Variants in CLBA1 observed in about 807,000 individuals in gnomAD.
CLBA1 encodes clathrin binding box of aftiphilin containing 1, also known as uncharacterized protein CLBA1.
Under a neutral mutation model 28.8 loss-of-function variants are expected in CLBA1, and 30 were observed. The observed-to-expected ratio is 1.04, with a 90% confidence interval of 0.78 to 1.41. The LOEUF is 1.41. Ranked by LOEUF, CLBA1 falls within the 40% of genes most tolerant of loss-of-function variation. The probability of loss-of-function intolerance (pLI) is 0.00; values close to 1 mark genes in which losing one functional copy is unlikely to be tolerated. For synonymous variants in CLBA1, 160 were observed against 152.8 expected (o/e 1.05, Z -0.35); for missense variants, 451 against 412.3 (o/e 1.09, Z -0.81).
chr14:105,000,726 G>C (rs967378179), intron 2 of CLBA1, among the ~76,000 whole-genome samples: 1 of 152,056 alleles, frequency 6.6e-6, no homozygotes, highest in African/African-American at 2.4e-5. Flanking sequence ...ACACCTGTTA[G>C]GATGGCTATT....
downstream of CLBA1, among the ~76,000 whole-genome samples, chr14:104,998,045 C>A (rs747912828): frequency 1.8e-4 from 28 of 151,368 alleles, no homozygotes; most frequent in Non-Finnish European, 3.7e-4. Context: ...AAAAAATATT[C>A]TTTAAAAATG....
chr14:104,992,864 A>G, intron 3 of CLBA1, 84 bp from the exon 4 acceptor site: 1 of 1,137,184 alleles, frequency 8.8e-7, no homozygotes, highest in South Asian at 1.2e-5. Context: ...TTTAGCATGA[A>G]ATTAGTAGAG....
chr14:104,985,943 A>C lies in CLBA1; in HGVS notation c.-489A>C, dbSNP rs577852409. 1.2e-3 allele frequency: 234 copies of C among 195,404 alleles called. 7 individuals are homozygous for C. The South Asian group carries it at 0.013, about 11-fold the overall frequency. The allele number at this position is 195,404 out of a possible 1,614,324, so 12.1% of individuals were successfully genotyped here. On this transcript the variant is annotated 5_prime_UTR_variant, in exon 1 of 5. Coordinates refer to ENST00000547315, the MANE Select transcript of CLBA1 (RefSeq NM_174891.4). Reference sequence around the variant, plus strand: ...TAGCCGGCCACCTCGGGCCCTGTCCAGGCCCAGGCGTTCCAGGGCTGCTCT... The same window carrying C: ...TAGCCGGCCACCTCGGGCCCTGTCCCGGCCCAGGCGTTCCAGGGCTGCTCT...
At chr14:104,992,825 T>A in intron 3 of CLBA1, 123 bp from the exon 4 acceptor site, 1 of 850,680 alleles carries the variant, frequency 1.2e-6, no homozygotes, top group East Asian at 2.4e-5. Flanking sequence ...TGCGCTGACC[T>A]TGAGAGGGGC....
Position 104,995,200 on chromosome 14 carries a change from G to A in CLBA1, c.*441G>A, listed in dbSNP as rs1900135921. On this transcript the variant is annotated 3_prime_UTR_variant, in exon 5 of 5. Transcript: ENST00000547315. Reference sequence around the variant, plus strand: ...GAGAGACAGCTGTTGAGACCGCTCAGAAACCCTCTGTCTGTCACACTCTGC... The same window carrying A: ...GAGAGACAGCTGTTGAGACCGCTCAAAAACCCTCTGTCTGTCACACTCTGC... 2.0e-6 allele frequency: 2 copies of A among 987,350 alleles called. No individual in the cohort carries two copies. The highest frequency in any genetic ancestry group is 2.4e-6 in the Non-Finnish European group (2 of 831,494). The allele number at this position is 987,350 out of a possible 1,614,324, so 61.2% of individuals were successfully genotyped here.
intron 2 of CLBA1, chr14:104,989,820 C>G (rs1048993054): frequency 2.4e-6 from 1 of 410,048 alleles, no homozygotes. Flanking sequence ...CAGGGGAGAG[C>G]CAGGTCAGCC....
chr14:104,987,148 A>T (rs1226975116), intron 1 of CLBA1, among the ~76,000 whole-genome samples: 1 of 152,194 alleles, frequency 6.6e-6, no homozygotes, highest in Non-Finnish European at 1.5e-5. Context: ...TCCATTCCCC[A>T]TTGGTGGGGG....
chr14:104,988,999 G>C lies in CLBA1; in HGVS notation c.480G>C (p.Gln160His), dbSNP rs761439232. The change falls in exon 2 of 5, where the codon CAG (glutamine) becomes CAC (histidine). Residue 160 changes from glutamine to histidine, a missense_variant. By Grantham distance (24) the Gln-to-His change is conservative. Coordinates refer to ENST00000547315, the MANE Select transcript of CLBA1 (RefSeq NM_174891.4). ...LKCAFQEITV[Q>H]QAAEDVSTID... ...GTGCTTTTCAAGAAATAACAGTCCA[G>C]CAGGCAGCTGAAGACGTTTCCACCA... 3.1e-6 allele frequency: 5 copies of C among 1,612,932 alleles called. No individual in the cohort carries two copies. Among genetic ancestry groups the C allele is most frequent in the Non-Finnish European group, 4.2e-6 (5 of 1,179,148 alleles).
At position 104,995,048 on chromosome 14, in the gene CLBA1, C is replaced by G. The variant is rs1900132547; in HGVS notation, c.*289C>G. ...CCCTGCCCCATGTGAATGCTGCTGG[C>G]ACCTGGTGGGGGGTTGCCCAGGGAT... On this transcript the variant is annotated 3_prime_UTR_variant, in exon 5 of 5. Coordinates refer to ENST00000547315, the MANE Select transcript of CLBA1 (RefSeq NM_174891.4). The G allele has an allele frequency of 1.8e-5, 19 of 1,068,150 alleles. No individual in the cohort carries two copies. Among genetic ancestry groups the G allele is most frequent in the Non-Finnish European group, 2.2e-5 (19 of 883,126 alleles). 66.2% of individuals were successfully genotyped at this position (1,068,150 alleles called of 1,614,324 possible). A position where few individuals can be genotyped will look rare whatever the true frequency, so the allele number is the denominator to read the frequency against.
chr14:104,998,591 GACTT>G (rs58851503), downstream of CLBA1, among the ~76,000 whole-genome samples: 2,258 of 152,256 alleles, frequency 0.015, 59 homozygotes, highest in African/African-American at 0.051. Flanking sequence ...TTTCAATAAA[GACTT>G]ACTTAATAGG....
chr14:104,987,791 A>T (rs1018183515), intron 1 of CLBA1, among the ~76,000 whole-genome samples: 25 of 70,882 alleles, frequency 3.5e-4, no homozygotes, highest in African/African-American at 9.3e-4. Flanking sequence ...CTAACTTTTT[A>T]TATATATATA....
chr14:105,001,067 TA>T (rs71454491), intron 2 of CLBA1, among the ~76,000 whole-genome samples: 8,049 of 126,212 alleles, frequency 0.064, 655 homozygotes, highest in African/African-American at 0.23. Context: ...TATTCAGCTG[TA>T]AAAAAAAAAA....
intron 4 of CLBA1, 86 bp from the exon 5 acceptor site, chr14:104,994,512 G>C: frequency 4.7e-6 from 7 of 1,493,110 alleles, no homozygotes; most frequent in Non-Finnish European, 6.2e-6. Context: ...GGGCCGAGAG[G>C]CAGGGGGCGG....
chr14:105,001,245 C>T (rs1900261940), intron 2 of CLBA1, among the ~76,000 whole-genome samples: 1 of 152,158 alleles, frequency 6.6e-6, no homozygotes, highest in Non-Finnish European at 1.5e-5. Flanking sequence ...CCTGTAATCC[C>T]AGCACTTTGG....
In CLBA1 at chr14:104,990,004, A is replaced by G. The variant is rs1899976266; in HGVS notation, c.569+916A>G. The G allele has an allele frequency of 1.2e-5, 3 of 252,054 alleles. No homozygotes were observed. In the East Asian group the frequency reaches 2.5e-4, roughly 21 times the overall value. 15.6% of individuals were successfully genotyped at this position (252,054 alleles called of 1,614,324 possible). On this transcript the variant is annotated intron_variant, in intron 2 of 4. Coordinates refer to ENST00000547315, the MANE Select transcript of CLBA1 (RefSeq NM_174891.4). ...GAGGCCTGGAGCCCAGAAGGCCGCA[A>G]CCAGCATTGCCCAGATGGCCCGTGT...
chr14:104,986,312 G>A lies in CLBA1; in HGVS notation c.-120G>A. On this transcript the variant is annotated 5_prime_UTR_variant, in exon 1 of 5. Coordinates refer to ENST00000547315, the MANE Select transcript of CLBA1 (RefSeq NM_174891.4). Reference sequence around the variant, plus strand: ...CTGGGCAGCCCGGGGCACTCCTGCAGCGTCCCCTGGCCCTCTCCAGGGCAG... The same window carrying A: ...CTGGGCAGCCCGGGGCACTCCTGCAACGTCCCCTGGCCCTCTCCAGGGCAG... 1.9e-6 allele frequency: 2 copies of A among 1,073,866 alleles called. No individual in the cohort carries two copies. The highest frequency in any genetic ancestry group is 2.6e-6 in the Non-Finnish European group (2 of 762,610). The allele number at this position is 1,073,866 out of a possible 1,614,324, so 66.5% of individuals were successfully genotyped here. A position where few individuals can be genotyped will look rare whatever the true frequency, so the allele number is the denominator to read the frequency against.
rs746731960 is a variant in CLBA1 at position 104,986,689 on chromosome 14, A to G, written c.258A>G (p.Glu86=). The G allele has an allele frequency of 2.1e-5, 34 of 1,613,806 alleles. No homozygotes were observed. The highest frequency in any genetic ancestry group is 2.7e-5 in the Non-Finnish European group (32 of 1,179,970). Reference sequence around the variant, plus strand: ...GGGGGGAGTTTGAAGGCTTTCGGGAATCTTCAGCCAAGTCTGGACAATTCT... The same window carrying G: ...GGGGGGAGTTTGAAGGCTTTCGGGAGTCTTCAGCCAAGTCTGGACAATTCT... ...STWGEFEGFR[E]SSAKSGQFSQ... is the part of the protein sequence containing the mutation. The change falls in exon 1 of 5, where the codon GAA becomes GAG. Residue 86 remains glutamate (E), a synonymous_variant. Coordinates refer to ENST00000547315, the MANE Select transcript of CLBA1 (RefSeq NM_174891.4).
downstream of CLBA1, among the ~76,000 whole-genome samples, chr14:105,000,416 C>G (rs34490246): frequency 2.0e-5 from 3 of 151,416 alleles, no homozygotes; most frequent in African/African-American, 7.3e-5. Context: ...GGACTACAGG[C>G]GCCCGCCACC....
rs1899848481 is a variant in CLBA1 at position 104,986,165 on chromosome 14, CCT to C, written c.-264_-263del. On this transcript the variant is annotated 5_prime_UTR_variant, in exon 1 of 5. Transcript: ENST00000547315. ...ACACCTGCCGTGGGTCTGGTACGCG[CCT>C]CTGTGTCGGACTCCGCGCCCGCCTG... The C allele has an allele frequency of 3.7e-6, 2 of 535,292 alleles. No individual in the cohort carries two copies. The highest frequency in any genetic ancestry group is 1.9e-5 in the African/African-American group (1 of 52,588). The allele number at this position is 535,292 out of a possible 1,614,324, so 33.2% of individuals were successfully genotyped here.
Sources: allele counts gnomAD v4.1 joint callset (sites outside exome capture counted in the v4.1 genomes callset), GRCh38; gene constraint gnomAD v4.1.1; transcripts MANE v1.5; gene names NCBI Gene and HGNC (gene_info 2026-07-23, HGNC 2026-07-21).